ROR1: variants seen among roughly 807,000 people sequenced by gnomAD.
ROR1 encodes the protein ROR family WNT receptor 1.
In ROR1, 19 loss-of-function variants were observed where a neutral mutation model predicts 78.8. The observed-to-expected ratio is 0.24, with a 90% CI of 0.17 to 0.35. The LOEUF (loss-of-function observed/expected upper bound fraction) is 0.35. Ranked by LOEUF, ROR1 falls within the 10% of genes least tolerant of loss-of-function variation. The probability of loss-of-function intolerance (pLI) is 1.00; values close to 1 mark genes in which losing one functional copy is unlikely to be tolerated. For missense variants in ROR1, 917 were observed against 1,177.8 expected (o/e 0.78, Z 3.24); for synonymous variants, 386 against 433.6 (o/e 0.89, Z 1.36).
At chr1:64,154,447 A>T (rs1244273816) in intron 7 of ROR1, among the ~76,000 whole-genome samples, 1 of 152,116 alleles carries the variant, frequency 6.6e-6, no homozygotes, top group African/African-American at 2.4e-5. Context: ...GTTCTGTAAG[A>T]TTTCTTCCCA....
chr1:63,944,217 T>G (rs1475550470), intron 1 of ROR1, among the ~76,000 whole-genome samples: 1 of 152,188 alleles, frequency 6.6e-6, no homozygotes, highest in Non-Finnish European at 1.5e-5. Flanking sequence ...CCCAGGAGAT[T>G]GGCTAAACCA....
chr1:64,070,886 G>T (rs545771011), intron 4 of ROR1, among the ~76,000 whole-genome samples: 1 of 152,288 alleles, frequency 6.6e-6, no homozygotes, highest in South Asian at 2.1e-4. Flanking sequence ...AATGTCTGGG[G>T]GTAGGAAATG....
At chr1:63,980,199 T>G (rs1371651651) in intron 1 of ROR1, among the ~76,000 whole-genome samples, 1 of 151,994 alleles carries the variant, frequency 6.6e-6, no homozygotes, top group Non-Finnish European at 1.5e-5. Context: ...ATGGATGAGG[T>G]ACCTTATCCA....
intron 2 of ROR1, among the ~76,000 whole-genome samples, chr1:64,033,467 T>C (rs1646677037): frequency 6.6e-6 from 1 of 152,226 alleles, no homozygotes; most frequent in African/African-American, 2.4e-5. Flanking sequence ...TGCATGATCC[T>C]GTGTAAAAGT....
intron 4 of ROR1, among the ~76,000 whole-genome samples, chr1:64,095,400 A>G (rs1647272764): frequency 6.6e-6 from 1 of 152,222 alleles, no homozygotes; most frequent in African/African-American, 2.4e-5. Context: ...CTATGTATTC[A>G]TACAGCAAAA....
chr1:64,031,305 A>G (rs1646658004), intron 2 of ROR1, among the ~76,000 whole-genome samples: 1 of 152,208 alleles, frequency 6.6e-6, no homozygotes, highest in Non-Finnish European at 1.5e-5. Flanking sequence ...GAAAATGGTA[A>G]TATGCATGAG....
intron 4 of ROR1, among the ~76,000 whole-genome samples, chr1:64,084,959 C>G (rs897578212): frequency 1.3e-5 from 2 of 152,180 alleles, no homozygotes; most frequent in African/African-American, 4.8e-5. Flanking sequence ...CTGATTCCAT[C>G]CAGTTTCAAA....
At chr1:63,814,599 G>C (rs1644878442) in intron 1 of ROR1, among the ~76,000 whole-genome samples, 1 of 151,810 alleles carries the variant, frequency 6.6e-6, no homozygotes. Context: ...GTCCCATCTG[G>C]GGGTGATGGG....
At chr1:63,918,312 A>T (rs1340902880) in intron 1 of ROR1, among the ~76,000 whole-genome samples, 2 of 152,220 alleles carry the variant, frequency 1.3e-5, no homozygotes, top group African/African-American at 4.8e-5. Flanking sequence ...ACATCATACG[A>T]CAGGAATCTC....
intron 1 of ROR1, among the ~76,000 whole-genome samples, chr1:63,980,362 C>T (rs1435043532): frequency 6.6e-6 from 1 of 151,948 alleles, no homozygotes; most frequent in Non-Finnish European, 1.5e-5. Flanking sequence ...ATTGTCATGA[C>T]CCCACCTCAT....
chr1:64,115,729 G>C (rs2100680623), intron 4 of ROR1, among the ~76,000 whole-genome samples: 1 of 152,124 alleles, frequency 6.6e-6, no homozygotes, highest in South Asian at 2.1e-4. Flanking sequence ...CCTGAAGGTT[G>C]AGCGGCATTG....
At chr1:63,973,799 C>T (rs1014964805) in intron 1 of ROR1, among the ~76,000 whole-genome samples, 5 of 152,186 alleles carry the variant, frequency 3.3e-5, no homozygotes, top group Admixed American at 6.5e-5. Context: ...AAACCTGTAA[C>T]TAATGATAAT....
intron 4 of ROR1, among the ~76,000 whole-genome samples, chr1:64,089,508 G>A (rs896198056): frequency 1.3e-5 from 2 of 152,166 alleles, no homozygotes; most frequent in African/African-American, 4.8e-5. Flanking sequence ...ACCGCGCCAG[G>A]CCTCAAAGCA....
In ROR1 at chr1:64,178,611, G is replaced by T; in HGVS notation, c.2570G>T (p.Ser857Ile). The T allele has an allele frequency of 6.2e-7, 1 of 1,614,146 alleles. No homozygotes were observed. Among genetic ancestry groups the T allele is most frequent in the Non-Finnish European group, 8.5e-7 (1 of 1,180,024 alleles). The change falls in exon 9 of 9, where the codon AGC (serine) becomes ATC (isoleucine). Residue 857 changes from serine to isoleucine, a missense_variant. Ser to Ile is a moderately radical substitution (Grantham distance 142, BLOSUM62 -2). This residue lies in a region of ROR1 where 835 missense variants were observed against 1,069.8 expected (regional missense o/e 0.78). Coordinates refer to ENST00000371079, the MANE Select transcript of ROR1 (RefSeq NM_005012.4). This position sits in a 1 kb window ranked among gnomAD's most constrained non-coding sequence, Gnocchi z 4.3. Reference sequence around the variant, plus strand: ...CCACCTCCCAAGAGTCGGTCCCCAAGCAGTGCCAGTGGGTCGACTAGCACT... The same window carrying T: ...CCACCTCCCAAGAGTCGGTCCCCAATCAGTGCCAGTGGGTCGACTAGCACT... ...HCPPPKSRSPSSASGSTSTGH... is the reference protein window; with the variant it reads ...HCPPPKSRSPISASGSTSTGH...
chr1:64,029,877 A>G (rs1646645644), intron 2 of ROR1, among the ~76,000 whole-genome samples: 1 of 151,998 alleles, frequency 6.6e-6, no homozygotes, highest in African/African-American at 2.4e-5. Flanking sequence ...TCATTTCTCC[A>G]TGGTTTTGCT....
chr1:63,841,004 TCTAA>T (rs1190828529), intron 1 of ROR1, among the ~76,000 whole-genome samples: 7 of 152,244 alleles, frequency 4.6e-5, no homozygotes, highest in African/African-American at 1.7e-4. Context: ...CTGCATTATC[TCTAA>T]CTGAGTGGTT....
At chr1:63,953,439 A>C (rs557631924) in intron 1 of ROR1, among the ~76,000 whole-genome samples, 1 of 152,314 alleles carries the variant, frequency 6.6e-6, no homozygotes, top group Non-Finnish European at 1.5e-5. Flanking sequence ...CAATTATATT[A>C]ATATACCGTA....
At chr1:64,036,183 G>A (rs187530020) in intron 2 of ROR1, among the ~76,000 whole-genome samples, 197 of 152,232 alleles carry the variant, frequency 1.3e-3, no homozygotes, top group Non-Finnish European at 2.2e-3. Flanking sequence ...GCTAGGACTC[G>A]ATCCCTAGCC....
At chr1:63,801,950 C>A (rs1644800250) in intron 1 of ROR1, among the ~76,000 whole-genome samples, 1 of 152,140 alleles carries the variant, frequency 6.6e-6, no homozygotes, top group Non-Finnish European at 1.5e-5. Flanking sequence ...AGCTGAAAGA[C>A]ACAAGTAAAG....
Sources: gnomAD v4.1 joint callset for allele counts (sites outside exome capture counted in the v4.1 genomes callset) on GRCh38, gnomAD v4.1.1 for gene constraint, gnomAD v4.1.1 regional missense constraint, Gnocchi (gnomAD v3.1) non-coding constraint, MANE v1.5 for transcripts, NCBI Gene and HGNC (gene_info 2026-07-23, HGNC 2026-07-21) for gene names.